GPD2: variants seen among roughly 807,000 people sequenced by gnomAD.
GPD2 encodes the protein glycerol-3-phosphate dehydrogenase, mitochondrial.
Under a neutral mutation model 82.4 loss-of-function variants are expected in GPD2, and 54 were observed. That is an observed-to-expected ratio of 0.66 (90% confidence interval 0.53 to 0.82). The LOEUF is 0.82. Ranked by LOEUF, GPD2 falls within the 40% of genes least tolerant of loss-of-function variation. The pLI is 0.00. For synonymous variants in GPD2, 288 were observed against 306.1 expected, an observed-to-expected ratio of 0.94 and a Z score of 0.62; for missense variants, 748 against 896.2, an observed-to-expected ratio of 0.83 and a Z score of 2.11.
Position 156,584,262 on chromosome 2 carries a change from A to G in GPD2, c.*1344A>G, listed in dbSNP as rs1179680215. On this transcript the variant is annotated 3_prime_UTR_variant, in exon 17 of 17. Transcript: ENST00000438166. ...TAATCGTACTTCCTCTTGTAAAGTT[A>G]ACTACTTACTTTTTTGTTGTTGTTT... 6.6e-6 allele frequency: 1 copy of G among 151,958 alleles called. No individual in the cohort carries two copies. Among genetic ancestry groups the G allele is most frequent in the Non-Finnish European group, 1.5e-5 (1 of 67,946 alleles). The allele number at this position is 151,958 out of a possible 1,614,324, so 9.4% of individuals were successfully genotyped here. A position where few individuals can be genotyped will look rare whatever the true frequency, so the allele number is the denominator to read the frequency against.
chr2:156,494,726 C>G (rs1438765502), intron 2 of GPD2, among the ~76,000 whole-genome samples: 1 of 152,178 alleles, frequency 6.6e-6, no homozygotes, highest in Admixed American at 6.5e-5. Context: ...AAAAACACCA[C>G]CATCATGGAT....
chr2:156,477,982 A>G (rs1683572299), intron 2 of GPD2, among the ~76,000 whole-genome samples: 1 of 152,236 alleles, frequency 6.6e-6, no homozygotes, highest in South Asian at 2.1e-4. Flanking sequence ...AATATCTAAT[A>G]TGATGAGTTG....
At chr2:156,408,588 A>G in the GPD2 span, among the ~76,000 whole-genome samples, 1 of 151,892 alleles carries the variant, frequency 6.6e-6, no homozygotes, top group African/African-American at 2.4e-5. Context: ...AAGTAAAAAA[A>G]CTAGCCAGGC....
intron 1 of GPD2, among the ~76,000 whole-genome samples, chr2:156,447,338 C>CTT (rs886780057): frequency 8.8e-5 from 13 of 147,732 alleles, no homozygotes; most frequent in African/African-American, 3.2e-4. Context: ...GAATCTCTCT[C>CTT]TTTTTTTTTT....
intron 6 of GPD2, among the ~76,000 whole-genome samples, chr2:156,535,936 C>A (rs1686060601): frequency 6.6e-6 from 1 of 152,194 alleles, no homozygotes; most frequent in East Asian, 1.9e-4. Context: ...AAAGGCATGT[C>A]AATTGCAACC....
At chr2:156,408,568 T>A in the GPD2 span, among the ~76,000 whole-genome samples, 1 of 151,090 alleles carries the variant, frequency 6.6e-6, no homozygotes, top group East Asian at 2.0e-4. Flanking sequence ...CTGCCCATGA[T>A]CTCTACAAAA....
At chr2:156,571,081 T>G (rs1469652) in intron 12 of GPD2, 53 bp from the exon 13 acceptor site, 1 of 1,157,520 alleles carries the variant, frequency 8.6e-7, no homozygotes, top group East Asian at 2.3e-5. Flanking sequence ...GCTTTATTTC[T>G]CATTTTCTAA....
At chr2:156,462,275 C>G (rs1683013394) in intron 1 of GPD2, among the ~76,000 whole-genome samples, 1 of 151,802 alleles carries the variant, frequency 6.6e-6, no homozygotes, top group African/African-American at 2.4e-5. Flanking sequence ...GTTTGACATT[C>G]TTTTTTTCTT....
intron 2 of GPD2, among the ~76,000 whole-genome samples, chr2:156,491,932 A>T (rs1684189772): frequency 6.6e-6 from 1 of 151,536 alleles, no homozygotes; most frequent in Non-Finnish European, 1.5e-5. Context: ...AGGCAGGAGA[A>T]TCGCTTGAAC....
chr2:156,489,193 A>G (rs1268119725), intron 2 of GPD2, among the ~76,000 whole-genome samples: 1 of 152,234 alleles, frequency 6.6e-6, no homozygotes, highest in African/African-American at 2.4e-5. Flanking sequence ...AAGAGTGCAC[A>G]AGCCTTGCCT....
intron 1 of GPD2, among the ~76,000 whole-genome samples, chr2:156,471,613 C>G (rs1039585206): frequency 1.1e-4 from 16 of 152,174 alleles, no homozygotes; most frequent in African/African-American, 3.9e-4. Context: ...ATAACGTTCC[C>G]TACTCACTCC....
intron 1 of GPD2, among the ~76,000 whole-genome samples, chr2:156,444,720 T>TACACACACAC (rs397789170): frequency 0.3 from 45,023 of 149,990 alleles, 7,991 homozygotes; most frequent in Middle Eastern, 0.43. Context: ...CAAAAACAAA[T>TACACACACAC]ACACACACAC....
chr2:156,474,266 G>A (rs1683429489), intron 1 of GPD2, among the ~76,000 whole-genome samples: 1 of 152,092 alleles, frequency 6.6e-6, no homozygotes, highest in South Asian at 2.1e-4. Context: ...CCTAAAATGA[G>A]TTTTCTATAG....
At chr2:156,438,904 A>G (rs1255481550) in intron 1 of GPD2, among the ~76,000 whole-genome samples, 1 of 152,224 alleles carries the variant, frequency 6.6e-6, no homozygotes, top group Admixed American at 6.5e-5. Context: ...TCATTTTTCC[A>G]GTGGTAGGAT....
chr2:156,560,158 G>A (rs1416082810), intron 9 of GPD2, among the ~76,000 whole-genome samples: 1 of 152,206 alleles, frequency 6.6e-6, no homozygotes, highest in African/African-American at 2.4e-5. Context: ...AGCTGGATGT[G>A]CTGGAAGCAG....
intron 3 of GPD2, among the ~76,000 whole-genome samples, chr2:156,505,462 C>T (rs933639423): frequency 1.3e-4 from 20 of 152,172 alleles, no homozygotes; most frequent in African/African-American, 4.6e-4. Flanking sequence ...ACCACTCCCA[C>T]TAAATGTTCT....
At chr2:156,506,315 T>G (rs2105261556) in intron 3 of GPD2, among the ~76,000 whole-genome samples, 1 of 152,302 alleles carries the variant, frequency 6.6e-6, no homozygotes, top group East Asian at 1.9e-4. Flanking sequence ...TTCCAGAAAT[T>G]CTGGTGGGTA....
intron 1 of GPD2, among the ~76,000 whole-genome samples, chr2:156,458,623 CT>C (rs1446179109): frequency 6.6e-6 from 1 of 152,090 alleles, no homozygotes; most frequent in Non-Finnish European, 1.5e-5. Context: ...TATTCTTTTT[CT>C]TTTTCTATAT....
chr2:156,415,863 A>C, the GPD2 span, among the ~76,000 whole-genome samples: 3 of 142,544 alleles, frequency 2.1e-5, no homozygotes, highest in African/African-American at 7.4e-5. Flanking sequence ...CTCCAAAAAA[A>C]TAAATAAAAT....
Sources: gnomAD v4.1 joint callset for allele counts (sites outside exome capture counted in the v4.1 genomes callset) on GRCh38, gnomAD v4.1.1 for gene constraint, MANE v1.5 for transcripts, NCBI Gene and HGNC (gene_info 2026-07-23, HGNC 2026-07-21) for gene names.